The following CNIH1 variants were observed in gnomAD, a reference collection of about 807,000 sequenced individuals.
CNIH1 encodes cornichon family member 1, also known as protein cornichon homolog 1.
In CNIH1, 12 loss-of-function variants were observed where a neutral mutation model predicts 20.2. The ratio of observed to expected loss-of-function variants is 0.59; its 90% CI spans 0.38 to 0.96. The LOEUF is 0.96. CNIH1 is among the 40% of genes least tolerant of loss of function. The pLI, the probability that CNIH1 is intolerant of heterozygous loss-of-function variation, is 0.00. For synonymous variants in CNIH1, 69 were observed against 63.3 expected (o/e 1.09, Z -0.43); for missense variants, 152 against 178.8 (o/e 0.85, Z 0.85).
Position 54,427,419 on chromosome 14 carries a change from T to C in CNIH1, c.*395A>G, listed in dbSNP as rs1002687013. 6.0e-6 allele frequency: 1 copy of C among 167,498 alleles called. No homozygotes were observed. The highest frequency in any genetic ancestry group is 1.3e-5 in the Non-Finnish European group (1 of 78,174). 10.4% of individuals were successfully genotyped at this position (167,498 alleles called of 1,614,324 possible). A position where few individuals can be genotyped will look rare whatever the true frequency, so the allele number is the denominator to read the frequency against. On this transcript the variant is annotated 3_prime_UTR_variant, in exon 5 of 5. Transcript: ENST00000216416. ...GCACCTGATATCTACAGCTAATTTA[T>C]AATTAGATACTGTTTCAATGAAACC...
At chr14:54,427,879 T>C in intron 4 of CNIH1, 38 bp from the exon 5 acceptor site, 1 of 1,598,468 alleles carries the variant, frequency 6.3e-7, no homozygotes. Context: ...TGAACATTAC[T>C]AATTATTAAA....
At chr14:54,434,059 T>G (rs12896258) in intron 2 of CNIH1, among the ~76,000 whole-genome samples, 2,233 of 152,236 alleles carry the variant, frequency 0.015, 26 homozygotes, top group Non-Finnish European at 0.023. Context: ...AAAAAAAACC[T>G]CAAGCAAATA....
intron 1 of CNIH1, among the ~76,000 whole-genome samples, chr14:54,437,678 T>TA (rs199875640): frequency 0.27 from 39,300 of 147,188 alleles, 5,877 homozygotes; most frequent in African/African-American, 0.41. Context: ...CACTAGGGAT[T>TA]AAAAAAAAAA....
At position 54,427,598 on chromosome 14, in the gene CNIH1, C is replaced by A. The variant is rs563962848; in HGVS notation, c.*216G>T. The stretch of plus-strand genomic sequence containing the variant: ...GGTAATCATTTTATATTAATTTATA[C>A]GTAATACCATTTAAAATCTTTATCT... On this transcript the variant is annotated 3_prime_UTR_variant, in exon 5 of 5. Coordinates refer to ENST00000216416, the MANE Select transcript of CNIH1 (RefSeq NM_005776.3). The A allele has an allele frequency of 3.6e-6, 2 of 558,056 alleles. No individual in the cohort carries two copies. Among genetic ancestry groups the A allele is most frequent in the Non-Finnish European group, 6.3e-6 (2 of 315,332 alleles). 34.6% of individuals were successfully genotyped at this position (558,056 alleles called of 1,614,324 possible). A position where few individuals can be genotyped will look rare whatever the true frequency, so the allele number is the denominator to read the frequency against.
intron 4 of CNIH1, among the ~76,000 whole-genome samples, chr14:54,429,558 A>G (rs930296975): frequency 1.1e-4 from 17 of 152,182 alleles, no homozygotes; most frequent in African/African-American, 3.6e-4. Flanking sequence ...CGGGAGTTCA[A>G]GACCAACCTG....
intron 1 of CNIH1, chr14:54,436,933 T>C (rs1050484115): frequency 3.0e-6 from 1 of 329,636 alleles, no homozygotes; most frequent in African/African-American, 2.2e-5. Flanking sequence ...GTGTGGTATT[T>C]ACACACAGGT....
At chr14:54,432,545 C>T (rs2030970547) in intron 2 of CNIH1, among the ~76,000 whole-genome samples, 1 of 152,190 alleles carries the variant, frequency 6.6e-6, no homozygotes, top group African/African-American at 2.4e-5. Context: ...AACTAGAATA[C>T]TTTTTCTTTT....
intron 2 of CNIH1, 33 bp from the exon 3 acceptor site, chr14:54,432,253 GC>G: frequency 8.1e-7 from 1 of 1,238,068 alleles, no homozygotes; most frequent in Non-Finnish European, 1.1e-6. Context: ...TTATCAAAAT[GC>G]CTCAGCATTA....
At chr14:54,429,755 CA>C (rs372521199) in intron 4 of CNIH1, among the ~76,000 whole-genome samples, 2 of 148,264 alleles carry the variant, frequency 1.3e-5, no homozygotes, top group Non-Finnish European at 3.0e-5. Flanking sequence ...GACTCCGACT[CA>C]AAAAAAAAGA....
Position 54,425,385 on chromosome 14 carries a change from A to G in CNIH1, c.*2429T>C, listed in dbSNP as rs1259072207. ...TACCAAAAGTAACTGTAATAAGGAG[A>G]AAAAAAAAAAGAGTACCTAAATGAA... On this transcript the variant is annotated 3_prime_UTR_variant, in exon 5 of 5. Coordinates refer to ENST00000216416, the MANE Select transcript of CNIH1 (RefSeq NM_005776.3). 3.7e-5 allele frequency: 3 copies of G among 81,124 alleles called. No individual in the cohort carries two copies. The highest frequency in any genetic ancestry group is 1.4e-4 in the African/African-American group (2 of 13,966). The allele number at this position is 81,124 out of a possible 1,614,324, so 5.0% of individuals were successfully genotyped here.
rs189784535 is a variant in CNIH1, at chr14:54,425,046, C to T, written c.*2768G>A. On this transcript the variant is annotated 3_prime_UTR_variant, in exon 5 of 5. Transcript: ENST00000216416. The stretch of plus-strand genomic sequence containing the variant: ...CCCTGGAATGAGGAGTGAGGAATAT[C>T]ATTAAGCATTGAGAAAACTGTCAAA... 1 of 152,194 alleles carries T rather than the reference C, an allele frequency of 6.6e-6. No homozygotes were observed. Among genetic ancestry groups the T allele is most frequent in the Non-Finnish European group, 1.5e-5 (1 of 68,032 alleles). 9.4% of individuals were successfully genotyped at this position (152,194 alleles called of 1,614,324 possible). A position where few individuals can be genotyped will look rare whatever the true frequency, so the allele number is the denominator to read the frequency against.
rs2030803479 is a variant in CNIH1 at position 54,425,267 on chromosome 14, T to C, written c.*2547A>G. ...CAACAAAAAGTTGTTGGTATAGATA[T>C]AACCACAGTGTTACACAAGATGCAA... On this transcript the variant is annotated 3_prime_UTR_variant, in exon 5 of 5. Coordinates refer to ENST00000216416, the MANE Select transcript of CNIH1 (RefSeq NM_005776.3). 1.3e-5 allele frequency: 2 copies of C among 151,942 alleles called. No homozygotes were observed. The allele number at this position is 151,942 out of a possible 1,614,324, so 9.4% of individuals were successfully genotyped here.
rs1368753044 is a variant in CNIH1, at chr14:54,437,657, G to GA, written c.82-1221dup. On this transcript the variant is annotated intron_variant, in intron 1 of 4. Transcript: ENST00000216416. The stretch of plus-strand genomic sequence containing the variant: ...TAAATATTAACTGGAAGGAGGGGGT[G>GA]AAAAAAATAGCACTAGGGATTAAAA... Among the ~76,000 whole-genome samples the GA allele has an allele frequency of 4.7e-5, 7 of 147,858 alleles. No homozygotes were observed. The South Asian group carries it at 6.5e-4, about 14-fold the overall frequency.
chr14:54,436,208 T>C (rs1206998259), intron 2 of CNIH1, 161 bp downstream of exon 2: 15 of 706,964 alleles, frequency 2.1e-5, no homozygotes, highest in South Asian at 1.9e-4. Flanking sequence ...AATAATAGAA[T>C]AGTCAAGCAC....
intron 1 of CNIH1, among the ~76,000 whole-genome samples, chr14:54,437,026 G>A (rs921717684): frequency 3.9e-5 from 6 of 152,192 alleles, no homozygotes. Flanking sequence ...ACAGTGCTCA[G>A]TGGGACACTA....
intron 4 of CNIH1, among the ~76,000 whole-genome samples, chr14:54,429,678 G>A (rs565839733): frequency 1.3e-5 from 2 of 152,220 alleles, no homozygotes; most frequent in East Asian, 3.9e-4. Flanking sequence ...AGAATTGCTT[G>A]AACTTGGTGG....
chr14:54,430,456 A>G, intron 3 of CNIH1, 52 bp from the exon 4 acceptor site: 2 of 1,536,282 alleles, frequency 1.3e-6, no homozygotes, highest in East Asian at 2.3e-5. Context: ...AAATGTTCAG[A>G]TAAGAAAGCA....
In CNIH1 at chr14:54,430,550, T is replaced by C. The variant is rs1489945112; in HGVS notation, c.264-146A>G. The C allele has an allele frequency of 7.2e-6, 5 of 695,890 alleles. No individual in the cohort carries two copies. The Admixed American group carries it at 1.5e-4, about 21-fold the overall frequency. The allele number at this position is 695,890 out of a possible 1,614,324, so 43.1% of individuals were successfully genotyped here. A position where few individuals can be genotyped will look rare whatever the true frequency, so the allele number is the denominator to read the frequency against. On this transcript the variant is annotated intron_variant, in intron 3 of 4. Coordinates refer to ENST00000216416, the MANE Select transcript of CNIH1 (RefSeq NM_005776.3). ...ACTTATGGGTAAAATGCTTTCCTTT[T>C]ACCATCTTAATTTTAAAAGTAGAGC...
Position 54,427,101 on chromosome 14 carries a change from T to C in CNIH1, c.*713A>G, listed in dbSNP as rs2030841142. Reference sequence around the variant, plus strand: ...ACCAATTTCTTAATAAGTAATGTCTTACAAATAAAAACACATTTAAAATAG... The same window carrying C: ...ACCAATTTCTTAATAAGTAATGTCTCACAAATAAAAACACATTTAAAATAG... On this transcript the variant is annotated 3_prime_UTR_variant, in exon 5 of 5. Transcript: ENST00000216416. 1 of 150,572 alleles carries C rather than the reference T, an allele frequency of 6.6e-6. No individual in the cohort carries two copies. The highest frequency in any genetic ancestry group is 2.1e-4 in the South Asian group (1 of 4,676). 9.3% of individuals were successfully genotyped at this position (150,572 alleles called of 1,614,324 possible).
Sources: gnomAD v4.1 joint callset for allele counts (sites outside exome capture counted in the v4.1 genomes callset) on GRCh38, gnomAD v4.1.1 for gene constraint, MANE v1.5 for transcripts, NCBI Gene and HGNC (gene_info 2026-07-23, HGNC 2026-07-21) for gene names.